The following KIAA1217 variants were observed in gnomAD, a reference collection of about 807,000 sequenced individuals.
KIAA1217 encodes the protein sickle tail protein homolog.
In KIAA1217, 88 loss-of-function variants were observed where a neutral mutation model predicts 163.9. That is an observed-to-expected ratio of 0.54 (90% CI 0.45 to 0.64). KIAA1217 has a LOEUF of 0.64. Ranked by LOEUF, KIAA1217 falls within the 30% of genes least tolerant of loss-of-function variation. KIAA1217 has a pLI of 0.00. For missense variants in KIAA1217, 2,372 were observed against 2,475.0 expected (o/e 0.96, Z 0.88); for synonymous variants, 903 against 923.1 (o/e 0.98, Z 0.39).
In KIAA1217 at chr10:24,524,494, G is replaced by A; in HGVS notation, c.2628G>A (p.Val876=). 6.2e-7 allele frequency: 1 copy of A among 1,614,166 alleles called. No individual in the cohort carries two copies. The highest frequency in any genetic ancestry group is 8.5e-7 in the Non-Finnish European group (1 of 1,180,038). Residue 876 remains valine (V), a synonymous_variant, in exon 13 of 21, where the codon GTG becomes GTA. Coordinates refer to ENST00000376454, the MANE Select transcript of KIAA1217 (RefSeq NM_019590.5). The part of the protein sequence containing the change: ...TGAPGDAKSE[V]VPLSGMMVRH... ...CCCCTGGCGATGCGAAGTCGGAAGT[G>A]GTGCCTTTGTCCGGCATGATGGTTC...
chr10:24,505,523 A>T (rs527635344), intron 9 of KIAA1217, among the ~76,000 whole-genome samples: 14 of 152,222 alleles, frequency 9.2e-5, no homozygotes, highest in African/African-American at 3.4e-4. Context: ...TACCAAAGTC[A>T]TCCCATATCT....
intron 2 of KIAA1217, among the ~76,000 whole-genome samples, chr10:24,034,549 T>TGA (rs1277213914): frequency 7.7e-6 from 1 of 129,670 alleles, no homozygotes; most frequent in Non-Finnish European, 1.6e-5. Context: ...GGCAATAAGA[T>TGA]GAGACCCTGT....
At chr10:24,331,282 A>G (rs1348266540) in intron 2 of KIAA1217, among the ~76,000 whole-genome samples, 1 of 152,166 alleles carries the variant, frequency 6.6e-6, no homozygotes, top group Admixed American at 6.5e-5. Flanking sequence ...AGAATCAACT[A>G]GACTGATTGC....
chr10:24,207,498 G>T (rs979146405), upstream of KIAA1217, among the ~76,000 whole-genome samples: 3 of 152,126 alleles, frequency 2.0e-5, no homozygotes, highest in Non-Finnish European at 4.4e-5. Flanking sequence ...TCTGGCCTTT[G>T]CCCAGGGGCC....
intron 2 of KIAA1217, among the ~76,000 whole-genome samples, chr10:24,203,417 C>G (rs1403738091): frequency 1.3e-5 from 2 of 152,070 alleles, no homozygotes; most frequent in Non-Finnish European, 1.5e-5. Context: ...ATGAGAGCCA[C>G]ACGTTCGAGA....
At chr10:23,911,961 G>A (rs1332225307) in intron 1 of KIAA1217, among the ~76,000 whole-genome samples, 1 of 152,086 alleles carries the variant, frequency 6.6e-6, no homozygotes, top group African/African-American at 2.4e-5. Context: ...TCCACTACAG[G>A]CCTGTGGCAT....
intron 1 of KIAA1217, among the ~76,000 whole-genome samples, chr10:23,913,569 C>T (rs531703025): frequency 5.3e-5 from 8 of 151,828 alleles, no homozygotes; most frequent in South Asian, 4.2e-4. Context: ...ATTAGAGGAC[C>T]GGGGCTAGAA....
rs141149021 is a variant in KIAA1217 at position 23,780,613 on chromosome 10, T to A, written c.-321+85379T>A. Among the ~76,000 whole-genome samples, 1,127 of 152,330 alleles carry A rather than the reference T, an allele frequency of 7.4e-3. 21 individuals carry two copies. The highest frequency in any genetic ancestry group is 0.025 in the African/African-American group (1,041 of 41,574). On this transcript the variant is annotated intron_variant, in intron 1 of 18. Coordinates refer to the KIAA1217 transcript ENST00000376462. Reference sequence around the variant, plus strand: ...AAGGCAAGATCTTCTTTCTTAAAGTTGCAAATAGCAAGATCTTCTTTCTTA... The same window carrying A: ...AAGGCAAGATCTTCTTTCTTAAAGTAGCAAATAGCAAGATCTTCTTTCTTA...
chr10:24,367,091 T>C (rs1439135726), intron 2 of KIAA1217: 2 of 950,836 alleles, frequency 2.1e-6, no homozygotes, highest in Non-Finnish European at 2.5e-6. Context: ...TCTTTCCTAT[T>C]TTTTTCTTGT....
intron 1 of KIAA1217, among the ~76,000 whole-genome samples, chr10:23,726,866 G>A (rs1838172900): frequency 6.6e-6 from 1 of 151,492 alleles, no homozygotes; most frequent in Non-Finnish European, 1.5e-5. Context: ...TGAAAATCTT[G>A]GCATATATAG....
chr10:24,421,407 A>C (rs1203515706), intron 3 of KIAA1217, among the ~76,000 whole-genome samples: 4 of 152,208 alleles, frequency 2.6e-5, no homozygotes, highest in Non-Finnish European at 2.9e-5. Flanking sequence ...GTTATATTGA[A>C]TAGTTATAAT....
At chr10:23,883,616 C>T (rs1051447432) in intron 1 of KIAA1217, among the ~76,000 whole-genome samples, 11 of 151,944 alleles carry the variant, frequency 7.2e-5, no homozygotes, top group Non-Finnish European at 1.6e-4. Context: ...ATCAATGAAC[C>T]TACATTGACA....
chr10:24,502,455 A>C (rs1479423697), intron 9 of KIAA1217, among the ~76,000 whole-genome samples: 1 of 152,076 alleles, frequency 6.6e-6, no homozygotes, highest in Admixed American at 6.5e-5. Flanking sequence ...AATCAGGATA[A>C]GTGACCCTTC....
chr10:24,088,256 C>CATATATATATATATATATATATAT lies in KIAA1217; in HGVS notation c.-171+80901_-171+80902insTATATATATATATATATATATATA, dbSNP rs758367708. On this transcript the variant is annotated intron_variant, in intron 2 of 18. Coordinates refer to the KIAA1217 transcript ENST00000376462. ...TCCCAGGCTCTGTTTTTTTAATATACATATATATATATATATATACACACA... is the reference window on the plus strand; with the variant it reads ...TCCCAGGCTCTGTTTTTTTAATATACATATATATATATATATATATATATATATATATATATATATATACACACA... Among the ~76,000 whole-genome samples the CATATATATATATATATATATATAT allele has an allele frequency of 7.2e-3, 692 of 95,526 alleles. 33 individuals are homozygous for CATATATATATATATATATATATAT. Among genetic ancestry groups the CATATATATATATATATATATATAT allele is most frequent in the African/African-American group, 0.016 (470 of 29,556 alleles). The allele number at this position is 95,526 out of a possible 152,430, so 62.7% of individuals were successfully genotyped here.
chr10:24,413,053 C>A (rs2057938047), intron 3 of KIAA1217, among the ~76,000 whole-genome samples: 1 of 152,156 alleles, frequency 6.6e-6, no homozygotes, highest in South Asian at 2.1e-4. Context: ...ACTCTTCTTC[C>A]AAAATATATG....
intron 4 of KIAA1217, among the ~76,000 whole-genome samples, chr10:24,435,290 A>G (rs1200449683): frequency 4.6e-5 from 7 of 152,262 alleles, no homozygotes. Context: ...TTTTTAAACT[A>G]AATTATTAAT....
intron 2 of KIAA1217, among the ~76,000 whole-genome samples, chr10:24,084,799 C>T (rs868519541): frequency 6.6e-6 from 1 of 152,124 alleles, no homozygotes; most frequent in Non-Finnish European, 1.5e-5. Flanking sequence ...TCCTTTGCCG[C>T]ATCTGACTCA....
intron 1 of KIAA1217, among the ~76,000 whole-genome samples, chr10:23,719,407 G>A (rs192950828): frequency 6.6e-6 from 1 of 152,022 alleles, no homozygotes; most frequent in Non-Finnish European, 1.5e-5. Flanking sequence ...ATAGCGACAC[G>A]CTATCTCTAC....
intron 2 of KIAA1217, among the ~76,000 whole-genome samples, chr10:24,152,309 T>C (rs946401544): frequency 4.6e-5 from 7 of 152,236 alleles, no homozygotes; most frequent in Non-Finnish European, 8.8e-5. Context: ...AAAAATAAAA[T>C]ATTCTTATTG....
Sources: gnomAD v4.1 joint callset for allele counts (sites outside exome capture counted in the v4.1 genomes callset) on GRCh38, gnomAD v4.1.1 for gene constraint, MANE v1.5 for transcripts, NCBI Gene and HGNC (gene_info 2026-07-23, HGNC 2026-07-21) for gene names.